Variants in COL4A2 observed in about 807,000 individuals in gnomAD.
The protein encoded by COL4A2 is collagen type IV alpha 2 chain.
COL4A2 carries 99 observed loss-of-function variants against 200.2 expected under a neutral mutation model. The observed-to-expected ratio is 0.49, with a 90% CI of 0.42 to 0.58. The LOEUF (loss-of-function observed/expected upper bound fraction) is 0.58, where lower values mean the gene tolerates loss of function less well. Among genes scored for constraint, COL4A2 ranks in the 20% least tolerant of loss-of-function variants. COL4A2 has a pLI of 0.00. For missense variants in COL4A2, 1,950 were observed against 2,314.1 expected (o/e 0.84, Z 3.23); for synonymous variants, 897 against 900.6 (o/e 1.00, Z 0.07).
Position 110,509,244 on chromosome 13 carries a change from A to ATT in COL4A2, c.4881+1024_4881+1025dup, listed in dbSNP as rs1280598448. Among the ~76,000 whole-genome samples the ATT allele has an allele frequency of 1.5e-3, 53 of 35,486 alleles. 1 individual carries two copies. The highest frequency in any genetic ancestry group is 4.0e-3 in the African/African-American group (48 of 11,968). 23.3% of individuals were successfully genotyped at this position (35,486 alleles called of 152,430 possible). ...GCCCAGCATGTTAAATATTTCATAA[A>ATT]TTATATATATATATATATATATATA... is the stretch of plus-strand genomic sequence containing the variant. On this transcript the variant is annotated intron_variant, in intron 47 of 47. Transcript: ENST00000360467.
chr13:110,489,378 G>C, intron 34 of COL4A2, 67 bp from the exon 35 acceptor site: 1 of 1,432,810 alleles, frequency 7.0e-7, no homozygotes, highest in Non-Finnish European at 9.8e-7. Context: ...TTAAATAAGT[G>C]AGCTAACTTC....
intron 29 of COL4A2, among the ~76,000 whole-genome samples, chr13:110,473,776 G>T (rs926212489): frequency 6.6e-6 from 1 of 152,170 alleles, no homozygotes; most frequent in Admixed American, 6.5e-5. Flanking sequence ...TTCACACTGG[G>T]TGAACCCCAG....
chr13:110,438,948 G>A (rs150306616), intron 15 of COL4A2, among the ~76,000 whole-genome samples: 10 of 152,304 alleles, frequency 6.6e-5, no homozygotes, highest in Middle Eastern at 3.4e-3. Context: ...TGGAGGAGGC[G>A]CGAGTACCGC....
In COL4A2 at chr13:110,391,603, G is replaced by T. The variant is rs565726485; in HGVS notation, c.181-33131G>T. On this transcript the variant is annotated intron_variant, in intron 4 of 47. Coordinates refer to ENST00000360467, the MANE Select transcript of COL4A2 (RefSeq NM_001846.4). The stretch of plus-strand genomic sequence containing the variant: ...CCGGCAGATCTTCCTCTGAAAATTG[G>T]CTCTACCGCTTACTAGCGCGATGCC... Among the ~76,000 whole-genome samples, 5 of 152,344 alleles carry T rather than the reference G, an allele frequency of 3.3e-5. No homozygotes were observed. The South Asian group carries it at 1.0e-3, about 32-fold the overall frequency.
At chr13:110,426,701 T>C (rs575690510) in intron 6 of COL4A2, among the ~76,000 whole-genome samples, 2 of 152,298 alleles carry the variant, frequency 1.3e-5, no homozygotes, top group Admixed American at 6.5e-5. Context: ...TCAGATTAGA[T>C]TGACATGCAA....
intron 3 of COL4A2, among the ~76,000 whole-genome samples, chr13:110,314,807 C>T (rs1163255974): frequency 1.3e-5 from 2 of 152,178 alleles, no homozygotes; most frequent in Non-Finnish European, 2.9e-5. Context: ...GAGCCCCCTT[C>T]CCGCCTGCCT....
At chr13:110,446,888 T>C in intron 18 of COL4A2, 24 bp downstream of exon 18, 2 of 1,591,726 alleles carry the variant, frequency 1.3e-6, no homozygotes, top group Non-Finnish European at 1.7e-6. Flanking sequence ...TTCACCTGCA[T>C]AGTTCAGCAT....
Position 110,462,291 on chromosome 13 carries a change from G to A in COL4A2, c.1683G>A (p.Gln561=), listed in dbSNP as rs948529464. 4.3e-6 allele frequency: 7 copies of A among 1,614,244 alleles called. No homozygotes were observed. The highest frequency in any genetic ancestry group is 5.1e-6 in the Non-Finnish European group (6 of 1,180,050). ...RTITTKGERG[Q]PGVPGVPGMK... is the part of the protein sequence containing the mutation. The stretch of plus-strand genomic sequence containing the variant: ...ATCCCTTTCTAGGTGAGCGGGGACA[G>A]CCCGGCGTCCCAGGTGTGCCCGGGA... Residue 561 remains glutamine, a synonymous_variant, in exon 24 of 48, where the codon CAG becomes CAA. Transcript: ENST00000360467.
At chr13:110,453,054 C>T (rs1444797921) in intron 20 of COL4A2, among the ~76,000 whole-genome samples, 1 of 152,090 alleles carries the variant, frequency 6.6e-6, no homozygotes, top group African/African-American at 2.4e-5. Context: ...GTATGAATCA[C>T]CACACCTGGC....
At chr13:110,494,157 G>A (rs1462083176) in intron 39 of COL4A2, among the ~76,000 whole-genome samples, 2 of 152,170 alleles carry the variant, frequency 1.3e-5, no homozygotes. Flanking sequence ...CCTGAATGGG[G>A]ATATAAAGAC....
intron 13 of COL4A2, 35 bp downstream of exon 13, chr13:110,436,402 A>T: frequency 6.2e-7 from 1 of 1,601,546 alleles, no homozygotes; most frequent in Admixed American, 1.7e-5. Context: ...CATAGTTGAA[A>T]TAAAAAAAGG....
chr13:110,349,759 A>G (rs1036129694), intron 3 of COL4A2, among the ~76,000 whole-genome samples: 3 of 151,710 alleles, frequency 2.0e-5, no homozygotes, highest in Non-Finnish European at 4.4e-5. Context: ...ATGGATTTTC[A>G]TATCTTCTTT....
intron 40 of COL4A2, among the ~76,000 whole-genome samples, chr13:110,499,486 C>G (rs114173476): frequency 2.4e-3 from 368 of 151,982 alleles, no homozygotes; most frequent in African/African-American, 8.4e-3. Context: ...CCCACCAGGT[C>G]CCTCCTACGA....
intron 29 of COL4A2, among the ~76,000 whole-genome samples, chr13:110,477,759 A>G (rs1049922622): frequency 2.0e-5 from 3 of 152,252 alleles, no homozygotes; most frequent in Non-Finnish European, 4.4e-5. Flanking sequence ...AACTCTGCAA[A>G]TGTCTAGTTA....
intron 4 of COL4A2, among the ~76,000 whole-genome samples, chr13:110,418,279 A>G (rs1437257152): frequency 3.3e-5 from 5 of 152,190 alleles, no homozygotes; most frequent in Admixed American, 6.5e-5. Context: ...GAAGTTGTTT[A>G]TCAGATATGT....
chr13:110,430,793 G>T, intron 10 of COL4A2, 186 bp downstream of exon 10: 1 of 888,874 alleles, frequency 1.1e-6, no homozygotes, highest in Non-Finnish European at 1.9e-6. Flanking sequence ...TAAGGTTGAA[G>T]AATAAGGGCT....
chr13:110,444,364 A>G (rs1018644), intron 16 of COL4A2, among the ~76,000 whole-genome samples: 127,691 of 152,228 alleles, frequency 0.84, 53,804 homozygotes, highest in Middle Eastern at 0.93. Context: ...CTGTGCTCAC[A>G]GCTCCCACTG....
chr13:110,307,514 G>A lies in COL4A2; in HGVS notation c.-59G>A, dbSNP rs1884811009. Reference sequence around the variant, plus strand: ...CCAATGCGTTCGGGCAGCAGCCCCTGAAGCCGAGCCCGAGGTGAGAGCGAC... The same window carrying A: ...CCAATGCGTTCGGGCAGCAGCCCCTAAAGCCGAGCCCGAGGTGAGAGCGAC... On this transcript the variant is annotated 5_prime_UTR_variant, in exon 1 of 48. The change abolishes the stop of an existing upstream ORF in the 5' untranslated region. Transcript: ENST00000360467. This position sits in a 1 kb window ranked among gnomAD's most constrained non-coding sequence, Gnocchi z 5.0. The A allele has an allele frequency of 3.8e-6, 1 of 263,564 alleles. No individual in the cohort carries two copies. The highest frequency in any genetic ancestry group is 2.2e-5 in the African/African-American group (1 of 45,180). The allele number at this position is 263,564 out of a possible 1,614,324, so 16.3% of individuals were successfully genotyped here.
At chr13:110,323,940 C>T (rs947463491) in intron 3 of COL4A2, among the ~76,000 whole-genome samples, 1 of 152,172 alleles carries the variant, frequency 6.6e-6, no homozygotes, top group Non-Finnish European at 1.5e-5. Flanking sequence ...CAAAAATGTG[C>T]ACCTTGGGTC....
Sources: gnomAD v4.1 joint callset for allele counts (sites outside exome capture counted in the v4.1 genomes callset) on GRCh38, gnomAD v4.1.1 for gene constraint, Gnocchi (gnomAD v3.1) non-coding constraint, MANE v1.5 for transcripts, NCBI Gene and HGNC (gene_info 2026-07-23, HGNC 2026-07-21) for gene names.